GPHN: variants seen among roughly 807,000 people sequenced by gnomAD.
GPHN encodes gephyrin.
A neutral mutation model predicts 95.5 loss-of-function variants in GPHN; 17 were observed. The ratio of observed to expected loss-of-function variants is 0.18; its 90% CI spans 0.12 to 0.27. The LOEUF is 0.27. Ranked by LOEUF, GPHN falls within the 10% of genes least tolerant of loss-of-function variation. The pLI is 1.00. For missense variants in GPHN, 660 were observed against 978.1 expected (o/e 0.67, Z 4.34); for synonymous variants, 320 against 322.5 (o/e 0.99, Z 0.08).
intron 1 of GPHN, among the ~76,000 whole-genome samples, chr14:66,592,356 G>T (rs878989768): frequency 6.6e-6 from 1 of 151,984 alleles, no homozygotes; most frequent in East Asian, 1.9e-4. Context: ...TATCATCACA[G>T]TGAACAGGCA....
chr14:67,148,269 T>C (rs1320919728), intron 18 of GPHN, among the ~76,000 whole-genome samples: 1 of 152,122 alleles, frequency 6.6e-6, no homozygotes, highest in African/African-American at 2.4e-5. Flanking sequence ...ATAACCTTTC[T>C]TATTGTAGGA....
In GPHN at chr14:66,922,977, C is replaced by T. The variant is rs376596522; in HGVS notation, c.729+39C>T. 113 of 1,567,290 alleles carry T rather than the reference C, an allele frequency of 7.2e-5. 13 individuals are homozygous for T. In the Admixed American group the frequency reaches 7.5e-4, roughly 10 times the overall value. ...GAGTTACTCAGAGGCCTAAAGGACC[C>T]ACAGGTAAATGTACTGGTTTCATCT... On this transcript the variant is annotated intron_variant, in intron 7 of 22. Transcript: ENST00000478722.
the GPHN span, among the ~76,000 whole-genome samples, chr14:67,605,896 C>T: frequency 1.3e-5 from 2 of 151,944 alleles, no homozygotes; most frequent in South Asian, 2.1e-4. Context: ...TTGCCCAGGC[C>T]GGTCTCAAGC....
intron 2 of GPHN, among the ~76,000 whole-genome samples, chr14:66,688,697 C>T (rs974913050): frequency 5.3e-5 from 8 of 152,080 alleles, no homozygotes; most frequent in African/African-American, 9.7e-5. Flanking sequence ...AATTCTTTCT[C>T]TTGCCTAATT....
chr14:66,949,533 G>C (rs1332044188), intron 8 of GPHN, among the ~76,000 whole-genome samples: 1 of 152,098 alleles, frequency 6.6e-6, no homozygotes, highest in African/African-American at 2.4e-5. Context: ...TTTTGGACTT[G>C]GCCACCAAGC....
Position 67,113,079 on chromosome 14 carries a change from C to A in GPHN, c.1534C>A (p.Pro512Thr). 6.2e-7 allele frequency: 1 copy of A among 1,613,388 alleles called. No homozygotes were observed. Among genetic ancestry groups the A allele is most frequent in the Non-Finnish European group, 8.5e-7 (1 of 1,179,390 alleles). The change falls in exon 16 of 23, where the codon CCC (proline) becomes ACC (threonine). Residue 512 changes from proline to threonine, a missense_variant. Pro to Thr is a conservative substitution (Grantham distance 38, BLOSUM62 -1). Coordinates refer to ENST00000478722, the MANE Select transcript of GPHN (RefSeq NM_020806.5). ...CVLAKGTHMG[P>T]SEIGLLATVG... is the part of the protein sequence containing the mutation. ...TTTGGCCAAAGGAACCCACATGGGC[C>A]CCTCAGAGATTGGTCTTCTGGCAAC... is the stretch of plus-strand genomic sequence containing the variant.
At chr14:67,468,921 A>ATTT in the GPHN span, among the ~76,000 whole-genome samples, 22 of 143,202 alleles carry the variant, frequency 1.5e-4, 1 homozygote, top group South Asian at 1.8e-3. Flanking sequence ...ATTTTTTTTA[A>ATTT]AAAAAAAAGG....
intron 2 of GPHN, among the ~76,000 whole-genome samples, chr14:66,713,451 GGTTTATT>G (rs1353667296): frequency 1.3e-5 from 2 of 151,970 alleles, no homozygotes; most frequent in Non-Finnish European, 1.5e-5. Flanking sequence ...TAAGTATTTG[GGTTTATT>G]CCTGGTTTCT....
the GPHN span, among the ~76,000 whole-genome samples, chr14:67,436,083 G>A: frequency 4.6e-5 from 7 of 152,338 alleles, no homozygotes; most frequent in African/African-American, 1.2e-4. Context: ...AAATGCCACC[G>A]TAGCTCTACT....
intron 4 of GPHN, among the ~76,000 whole-genome samples, chr14:66,865,441 CA>C (rs1042127396): frequency 6.6e-5 from 10 of 151,806 alleles, no homozygotes; most frequent in African/African-American, 2.4e-4. Flanking sequence ...AAGAAGATTA[CA>C]AAAAGTCTGA....
chr14:66,806,187 A>G (rs753501633), intron 3 of GPHN, among the ~76,000 whole-genome samples: 1 of 152,122 alleles, frequency 6.6e-6, no homozygotes, highest in Non-Finnish European at 1.5e-5. Flanking sequence ...CTTGAGCTCT[A>G]CGTTGTCCCC....
chr14:67,235,498 G>A, the GPHN span, among the ~76,000 whole-genome samples: 6 of 152,016 alleles, frequency 3.9e-5, no homozygotes, highest in Non-Finnish European at 8.8e-5. Context: ...GGCGGATCAC[G>A]AGGTCAGGAA....
chr14:67,461,787 G>A, the GPHN span, among the ~76,000 whole-genome samples: 2 of 152,250 alleles, frequency 1.3e-5, no homozygotes. Flanking sequence ...CAGCAAATCT[G>A]AGATCCTGGG....
the GPHN span, among the ~76,000 whole-genome samples, chr14:67,673,315 G>A: frequency 1.3e-5 from 2 of 152,094 alleles, no homozygotes; most frequent in East Asian, 3.9e-4. Context: ...CTGCACTCCA[G>A]CCTGGGTGAC....
At chr14:66,913,863 A>C (rs1339892296) in intron 5 of GPHN, among the ~76,000 whole-genome samples, 1 of 152,204 alleles carries the variant, frequency 6.6e-6, no homozygotes. Flanking sequence ...ATTGAATGAT[A>C]TAATGTTTGT....
chr14:66,920,014 C>T (rs2066128592), intron 6 of GPHN, among the ~76,000 whole-genome samples: 2 of 152,164 alleles, frequency 1.3e-5, no homozygotes, highest in South Asian at 4.1e-4. Flanking sequence ...TGCAGTGAGA[C>T]AAGATGGCGC....
chr14:67,349,444 T>C, the GPHN span, among the ~76,000 whole-genome samples: 1 of 152,252 alleles, frequency 6.6e-6, no homozygotes, highest in Non-Finnish European at 1.5e-5. Context: ...AACTCCTTTC[T>C]AGGTTTGCTA....
At chr14:67,186,963 G>T in the GPHN span, among the ~76,000 whole-genome samples, 1 of 152,134 alleles carries the variant, frequency 6.6e-6, no homozygotes, top group Non-Finnish European at 1.5e-5. Flanking sequence ...GCCCACATGT[G>T]AAGAGCTAGG....
the GPHN span, chr14:67,336,408 C>G: frequency 5.4e-6 from 1 of 184,456 alleles, no homozygotes; most frequent in South Asian, 1.1e-4. Flanking sequence ...TTCTTTTTAA[C>G]AAATGCTAAA....
Sources: gnomAD v4.1 joint callset for allele counts (sites outside exome capture counted in the v4.1 genomes callset) on GRCh38, gnomAD v4.1.1 for gene constraint, MANE v1.5 for transcripts, NCBI Gene and HGNC (gene_info 2026-07-23, HGNC 2026-07-21) for gene names.